Variants in PCDH15 observed in about 807,000 individuals in gnomAD.
PCDH15 encodes the protein protocadherin-15.
In PCDH15, 129 loss-of-function variants were observed where a neutral mutation model predicts 178.5. That is an observed-to-expected ratio of 0.72 (90% confidence interval 0.63 to 0.84). PCDH15 has a LOEUF of 0.84. Ranked by LOEUF, PCDH15 falls within the 40% of genes least tolerant of loss-of-function variation. The pLI is 0.00. For synonymous variants in PCDH15, 800 were observed against 732.0 expected (o/e 1.09, Z -1.50); for missense variants, 2,230 against 2,099.9 (o/e 1.06, Z -1.21).
upstream of PCDH15, among the ~76,000 whole-genome samples, chr10:55,324,293 T>G (rs1843976997): frequency 6.6e-6 from 1 of 151,816 alleles, no homozygotes; most frequent in African/African-American, 2.4e-5. Flanking sequence ...AGTCACAGAG[T>G]GGCAAGTTGA....
intron 1 of PCDH15, among the ~76,000 whole-genome samples, chr10:54,752,705 A>C (rs1454870111): frequency 9.0e-6 from 1 of 110,656 alleles, no homozygotes; most frequent in Non-Finnish European, 2.1e-5. Flanking sequence ...ATTTGAAAGC[A>C]ATGAAAGTAT....
chr10:55,233,830 C>T (rs536609529), intron 1 of PCDH15, among the ~76,000 whole-genome samples: 11 of 152,036 alleles, frequency 7.2e-5, no homozygotes, highest in African/African-American at 1.9e-4. Flanking sequence ...TACTATAGTG[C>T]TTTGTTTCTC....
At chr10:54,845,540 T>C (rs1338602935) in intron 3 of PCDH15, among the ~76,000 whole-genome samples, 1 of 152,126 alleles carries the variant, frequency 6.6e-6, no homozygotes, top group Non-Finnish European at 1.5e-5. Context: ...AAATTCTGCA[T>C]GTAATTGGGC....
intron 8 of PCDH15, among the ~76,000 whole-genome samples, chr10:54,276,891 T>C (rs1180841842): frequency 2.0e-5 from 3 of 151,618 alleles, no homozygotes; most frequent in South Asian, 2.1e-4. Context: ...AAAGGAAATA[T>C]ACATATGACT....
chr10:55,254,494 G>C (rs1339237023), intron 1 of PCDH15, among the ~76,000 whole-genome samples: 3 of 152,136 alleles, frequency 2.0e-5, no homozygotes, highest in Non-Finnish European at 4.4e-5. Context: ...GCTGTCAGTG[G>C]AAAGGTGAGT....
chr10:54,058,213 C>G (rs2093939260), intron 18 of PCDH15, among the ~76,000 whole-genome samples: 1 of 152,114 alleles, frequency 6.6e-6, no homozygotes, highest in Non-Finnish European at 1.5e-5. Flanking sequence ...ATTTTTGGGT[C>G]TCTTTCCAGC....
rs1011117888 is a variant in PCDH15 at position 54,906,160 on chromosome 10, A to G, written c.-79-8660T>C. ...AAAGGGGCTGGTTCAGAAATTTCCT[A>G]GGTAGAAAAGAATCCAACATCCAAT... On this transcript the variant is annotated intron_variant, in intron 2 of 5. Coordinates refer to the PCDH15 transcript ENST00000458638. Among the ~76,000 whole-genome samples, 11 of 152,202 alleles carry G rather than the reference A, an allele frequency of 7.2e-5. No individual in the cohort carries two copies. In the South Asian group the frequency reaches 2.3e-3, roughly 32 times the overall value.
intron 8 of PCDH15, among the ~76,000 whole-genome samples, chr10:54,287,780 C>T (rs1488760195): frequency 6.6e-6 from 1 of 152,062 alleles, no homozygotes; most frequent in African/African-American, 2.4e-5. Flanking sequence ...ATATCTGAAT[C>T]TAAATGCCAA....
chr10:54,482,571 T>C (rs1446463601), intron 3 of PCDH15, among the ~76,000 whole-genome samples: 1 of 151,768 alleles, frequency 6.6e-6, no homozygotes, highest in African/African-American at 2.4e-5. Flanking sequence ...TACTTGCACC[T>C]CAATTTCTCA....
intron 2 of PCDH15, among the ~76,000 whole-genome samples, chr10:55,159,531 G>T (rs1839003612): frequency 6.7e-6 from 1 of 149,042 alleles, no homozygotes; most frequent in Non-Finnish European, 1.5e-5. Context: ...AGATTTGTTA[G>T]ACTAGGACGT....
At chr10:54,169,890 A>G (rs11498096) in intron 13 of PCDH15, among the ~76,000 whole-genome samples, 56,880 of 147,566 alleles carry the variant, frequency 0.39, 11,353 homozygotes, top group Non-Finnish European at 0.44. Context: ...GTTAGTTCAG[A>G]ATCTGCGCCT....
intron 3 of PCDH15, among the ~76,000 whole-genome samples, chr10:54,383,239 GAA>G (rs925807702): frequency 7.1e-6 from 1 of 140,482 alleles, no homozygotes; most frequent in Non-Finnish European, 1.6e-5. Flanking sequence ...ATACCAGCAA[GAA>G]AAAAAAAAGA....
At chr10:54,344,762 C>A (rs929130195) in intron 6 of PCDH15, among the ~76,000 whole-genome samples, 2 of 151,716 alleles carry the variant, frequency 1.3e-5, no homozygotes, top group Admixed American at 6.6e-5. Context: ...CTGCCCTTTT[C>A]TTTGCTGTTT....
chr10:54,612,668 C>T (rs113645543), intron 2 of PCDH15, among the ~76,000 whole-genome samples: 18,872 of 151,434 alleles, frequency 0.12, 1,585 homozygotes, highest in Non-Finnish European at 0.19. Flanking sequence ...CCTCGACTTA[C>T]TTATATAAGA....
At chr10:54,226,297 A>T (rs749342420) in intron 9 of PCDH15, among the ~76,000 whole-genome samples, 2 of 152,190 alleles carry the variant, frequency 1.3e-5, no homozygotes, top group Non-Finnish European at 2.9e-5. Flanking sequence ...TTTTAAAACC[A>T]TCATATCTCG....
chr10:54,575,874 T>C (rs1042621236), intron 2 of PCDH15, among the ~76,000 whole-genome samples: 7 of 152,200 alleles, frequency 4.6e-5, no homozygotes, highest in Non-Finnish European at 1.0e-4. Flanking sequence ...TTGTGCCATA[T>C]TTAATTCCAC....
chr10:54,140,829 A>G (rs929172603), intron 14 of PCDH15, among the ~76,000 whole-genome samples: 37 of 151,874 alleles, frequency 2.4e-4, no homozygotes, highest in African/African-American at 8.4e-4. Flanking sequence ...GACTACAGGC[A>G]TGTGCCACAA....
intron 5 of PCDH15, among the ~76,000 whole-genome samples, chr10:54,351,940 C>T (rs1034214948): frequency 2.6e-5 from 4 of 152,046 alleles, no homozygotes; most frequent in South Asian, 2.1e-4. Flanking sequence ...TTCACGAAAC[C>T]GATGGTATGC....
intron 2 of PCDH15, among the ~76,000 whole-genome samples, chr10:54,584,397 G>C (rs2091297532): frequency 6.6e-6 from 1 of 151,962 alleles, no homozygotes; most frequent in African/African-American, 2.4e-5. Flanking sequence ...GCAAGACCCT[G>C]ACTTTTTAAA....
Sources: allele counts gnomAD v4.1 joint callset (sites outside exome capture counted in the v4.1 genomes callset), GRCh38; gene constraint gnomAD v4.1.1; transcripts MANE v1.5; gene names NCBI Gene and HGNC (gene_info 2026-07-23, HGNC 2026-07-21).